WWTR1: variants seen among roughly 807,000 people sequenced by gnomAD.
WWTR1 encodes WW domain-containing transcription regulator protein 1.
WWTR1 carries 13 observed loss-of-function variants against 40.1 expected under a neutral mutation model. That is an observed-to-expected ratio of 0.32 (90% CI 0.21 to 0.52). The LOEUF is 0.52. Ranked by LOEUF, WWTR1 falls within the 20% of genes least tolerant of loss-of-function variation. The pLI is 0.97. For synonymous variants in WWTR1, 230 were observed against 210.1 expected (o/e 1.09, Z -0.82); for missense variants, 436 against 523.1 (o/e 0.83, Z 1.63).
intron 2 of WWTR1, among the ~76,000 whole-genome samples, chr3:149,618,221 G>T (rs948519884): frequency 6.6e-6 from 1 of 152,038 alleles, no homozygotes; most frequent in Non-Finnish European, 1.5e-5. Context: ...CTGAAGAACA[G>T]TACGAAGGAC....
intron 1 of WWTR1, among the ~76,000 whole-genome samples, chr3:149,700,988 G>A (rs529859535): frequency 1.3e-5 from 2 of 152,326 alleles, no homozygotes; most frequent in African/African-American, 4.8e-5. Context: ...TGGATAAAAT[G>A]ACAGCCCAAG....
chr3:149,527,441 C>A (rs1735373704), intron 5 of WWTR1, among the ~76,000 whole-genome samples: 1 of 152,198 alleles, frequency 6.6e-6, no homozygotes, highest in South Asian at 2.1e-4. Flanking sequence ...GCCACCATGC[C>A]TGGCCGAACA....
At chr3:149,548,982 G>T (rs576578946) in intron 3 of WWTR1, among the ~76,000 whole-genome samples, 40 of 152,182 alleles carry the variant, frequency 2.6e-4, no homozygotes, top group African/African-American at 8.7e-4. Context: ...GTTTTCACAG[G>T]CTGTAGACTG....
chr3:149,637,997 C>T (rs986866785), intron 2 of WWTR1, among the ~76,000 whole-genome samples: 1 of 152,096 alleles, frequency 6.6e-6, no homozygotes, highest in Non-Finnish European at 1.5e-5. Flanking sequence ...TGGTGGATCA[C>T]CTGAGGTCAG....
intron 4 of WWTR1, among the ~76,000 whole-genome samples, chr3:149,541,818 C>A (rs1300801760): frequency 6.6e-6 from 1 of 152,118 alleles, no homozygotes; most frequent in East Asian, 1.9e-4. Flanking sequence ...GCCCAGTCTT[C>A]CAGCAATCCT....
upstream of WWTR1, among the ~76,000 whole-genome samples, chr3:149,663,023 T>A (rs190311540): frequency 2.6e-5 from 4 of 152,214 alleles, no homozygotes; most frequent in Admixed American, 2.6e-4. Flanking sequence ...AACATAACAC[T>A]GCCTTACATT....
intron 1 of WWTR1, 136 bp from the exon 2 acceptor site, chr3:149,657,445 T>A: frequency 9.5e-7 from 1 of 1,047,928 alleles, no homozygotes; most frequent in Non-Finnish European, 1.3e-6. Context: ...ATTGCCCGCC[T>A]GGAGATCCCA....
chr3:149,639,989 G>A (rs527443913), intron 2 of WWTR1, among the ~76,000 whole-genome samples: 18 of 80,466 alleles, frequency 2.2e-4, no homozygotes, highest in Admixed American at 6.4e-4. Flanking sequence ...GCGAGACTCC[G>A]TCTCAAAAAA....
chr3:149,591,894 G>A (rs1738743063), intron 2 of WWTR1, among the ~76,000 whole-genome samples: 1 of 152,114 alleles, frequency 6.6e-6, no homozygotes, highest in Admixed American at 6.5e-5. Context: ...TTGCGGGAGG[G>A]GGTAGGAGAA....
intron 2 of WWTR1, among the ~76,000 whole-genome samples, chr3:149,620,565 C>CA (rs760530861): frequency 3.7e-5 from 1 of 27,392 alleles, no homozygotes; most frequent in Non-Finnish European, 5.6e-5. Flanking sequence ...CTCCACCGCT[C>CA]CCCCCCACAC....
chr3:149,647,697 G>A (rs1179319126), intron 2 of WWTR1, among the ~76,000 whole-genome samples: 3 of 152,144 alleles, frequency 2.0e-5, no homozygotes, highest in Non-Finnish European at 4.4e-5. Flanking sequence ...AGCTATGAAT[G>A]GAAAGATAAA....
Position 149,519,696 on chromosome 3 carries a change from C to A in WWTR1, c.*1109G>T, listed in dbSNP as rs1170705478. 6.6e-6 allele frequency: 1 copy of A among 152,254 alleles called. No individual in the cohort carries two copies. The highest frequency in any genetic ancestry group is 1.9e-4 in the East Asian group (1 of 5,198). The allele number at this position is 152,254 out of a possible 1,614,324, so 9.4% of individuals were successfully genotyped here. On this transcript the variant is annotated 3_prime_UTR_variant, in exon 7 of 7. Coordinates refer to ENST00000360632, the MANE Select transcript of WWTR1 (RefSeq NM_015472.6). ...GTGGCTCACGCCAGTAATCCCAGCA[C>A]TTTGGGAGGCCGAGATGGGTGGATC... is the stretch of plus-strand genomic sequence containing the variant.
In WWTR1 at chr3:149,572,948, G is replaced by T. The variant is rs1479379430; in HGVS notation, c.484C>A (p.Pro162Thr). 6.2e-7 allele frequency: 1 copy of T among 1,613,340 alleles called. No individual in the cohort carries two copies. Among genetic ancestry groups the T allele is most frequent in the Non-Finnish European group, 8.5e-7 (1 of 1,179,846 alleles). Residue 162 changes from proline (P) to threonine (T), a missense_variant, in exon 3 of 7, where the codon CCT becomes ACT. By Grantham distance (38) the Pro-to-Thr change is conservative. Transcript: ENST00000360632. ...WQDPRKAMNQ[P>T]LNHMNLHPAV... ...GGGTGGAGGTTCATATGATTCAGAGGCTGATTCATCGCCTTCCTAGGGTCT... is the reference window on the plus strand; with the variant it reads ...GGGTGGAGGTTCATATGATTCAGAGTCTGATTCATCGCCTTCCTAGGGTCT...
chr3:149,681,162 C>T (rs1002019045), intron 1 of WWTR1, among the ~76,000 whole-genome samples: 7 of 152,176 alleles, frequency 4.6e-5, no homozygotes, highest in African/African-American at 1.4e-4. Context: ...TCTCTAACTT[C>T]GGGTTGTCAA....
At chr3:149,626,683 C>T (rs1420607493) in intron 2 of WWTR1, among the ~76,000 whole-genome samples, 2 of 152,086 alleles carry the variant, frequency 1.3e-5, no homozygotes, top group Non-Finnish European at 2.9e-5. Context: ...GAGGTATCTT[C>T]CCACGAGGAC....
rs11917402 is a variant in WWTR1, at chr3:149,602,767, A to C, written c.432-29767T>G. Among the ~76,000 whole-genome samples the C allele has an allele frequency of 5.0e-3, 754 of 152,126 alleles. 3 individuals carry two copies. The highest frequency in any genetic ancestry group is 0.018 in the African/African-American group (731 of 41,474). On this transcript the variant is annotated intron_variant, in intron 2 of 6. Coordinates refer to ENST00000360632, the MANE Select transcript of WWTR1 (RefSeq NM_015472.6). ...GCAACCTCTGCTGTCCAGTTTCAAG[A>C]GATTCTCCTGCCTCAGCCTCCCGAG...
chr3:149,551,207 G>GC (rs1266437118), intron 3 of WWTR1, among the ~76,000 whole-genome samples: 1 of 144,090 alleles, frequency 6.9e-6, no homozygotes, highest in African/African-American at 2.7e-5. Flanking sequence ...TGCGGCAGGA[G>GC]AATCGTTTGA....
intron 1 of WWTR1, among the ~76,000 whole-genome samples, chr3:149,676,871 A>C (rs866711929): frequency 2.6e-5 from 4 of 151,740 alleles, no homozygotes; most frequent in African/African-American, 9.7e-5. Flanking sequence ...TAAATCCTGA[A>C]GTCTGTCACC....
intron 2 of WWTR1, among the ~76,000 whole-genome samples, chr3:149,584,246 TCC>T (rs1738301169): frequency 6.6e-6 from 1 of 152,142 alleles, no homozygotes; most frequent in Non-Finnish European, 1.5e-5. Context: ...ATGTCACTCA[TCC>T]CAAAAAAGAA....
Sources: gnomAD v4.1 joint callset for allele counts (sites outside exome capture counted in the v4.1 genomes callset) on GRCh38, gnomAD v4.1.1 for gene constraint, MANE v1.5 for transcripts, NCBI Gene and HGNC (gene_info 2026-07-23, HGNC 2026-07-21) for gene names.